The following SCARB1 variants were observed in gnomAD, a reference collection of about 807,000 sequenced individuals.
SCARB1 encodes scavenger receptor class B member 1.
SCARB1 carries 30 observed loss-of-function variants against 57.2 expected under a neutral mutation model. That is an observed-to-expected ratio of 0.52 (90% CI 0.39 to 0.71). The LOEUF is 0.71. SCARB1 is among the 30% of genes least tolerant of loss of function. SCARB1 has a pLI of 0.00. For missense variants in SCARB1, 543 were observed against 671.2 expected, an observed-to-expected ratio of 0.81 and a Z score of 2.11; for synonymous variants, 249 against 268.3, an observed-to-expected ratio of 0.93 and a Z score of 0.70.
At chr12:124,806,670 GGA>G (rs1327528609) in intron 7 of SCARB1, among the ~76,000 whole-genome samples, 1 of 152,122 alleles carries the variant, frequency 6.6e-6, no homozygotes, top group African/African-American at 2.4e-5. Flanking sequence ...AGAGGCAGGT[GGA>G]TCACTTGAGG....
intron 1 of SCARB1, among the ~76,000 whole-genome samples, chr12:124,845,559 G>T (rs1182752986): frequency 2.4e-5 from 3 of 124,934 alleles, no homozygotes; most frequent in African/African-American, 6.4e-5. Context: ...AAAAAAATTA[G>T]CCGGGCGTGG....
chr12:124,814,837 C>G lies in SCARB1; in HGVS notation c.426+136G>C. 3 of 1,150,376 alleles carry G rather than the reference C, an allele frequency of 2.6e-6. No individual in the cohort carries two copies. The South Asian group carries it at 4.0e-5, about 15-fold the overall frequency. 71.3% of individuals were successfully genotyped at this position (1,150,376 alleles called of 1,614,324 possible). A position where few individuals can be genotyped will look rare whatever the true frequency, so the allele number is the denominator to read the frequency against. ...GGGGGTGGTGGAGACAGCACAGGGC[C>G]GAAAGCCACCCACCAGGCGTGAGTC... On this transcript the variant is annotated intron_variant, in intron 3 of 12. Transcript: ENST00000261693. This position sits in a 1 kb window ranked among gnomAD's most constrained non-coding sequence, Gnocchi z 4.7.
intron 1 of SCARB1, among the ~76,000 whole-genome samples, chr12:124,858,892 AG>A (rs1470086044): frequency 6.6e-6 from 1 of 151,804 alleles, no homozygotes; most frequent in Non-Finnish European, 1.5e-5. Context: ...AAAAAAAAAA[AG>A]AGATGGGATT....
At chr12:124,831,760 C>T (rs1003693959) in intron 1 of SCARB1, among the ~76,000 whole-genome samples, 13 of 152,348 alleles carry the variant, frequency 8.5e-5, no homozygotes, top group African/African-American at 2.6e-4. Flanking sequence ...GAATAGGACC[C>T]ATGCAGCAGG....
chr12:124,824,739 G>A (rs1951071536), intron 1 of SCARB1, among the ~76,000 whole-genome samples: 1 of 152,152 alleles, frequency 6.6e-6, no homozygotes, highest in Non-Finnish European at 1.5e-5. Context: ...AAAGCCCCAT[G>A]GTCTGTGGGT....
intron 1 of SCARB1, among the ~76,000 whole-genome samples, chr12:124,838,222 G>A (rs984520507): frequency 4.6e-5 from 7 of 152,194 alleles, no homozygotes; most frequent in East Asian, 1.9e-4. Context: ...CCAGCTTCAC[G>A]GGTGAGGCCG....
rs528879078 is a variant in SCARB1 at position 124,810,066 on chromosome 12, G to A, written c.842+108C>T. Reference sequence around the variant, plus strand: ...TCAAGCTGGTGCCAAGGGCTACTGAGTCAAATCCACGATGAGTCAAAATGC... The same window carrying A: ...TCAAGCTGGTGCCAAGGGCTACTGAATCAAATCCACGATGAGTCAAAATGC... On this transcript the variant is annotated intron_variant, in intron 6 of 12. Coordinates refer to ENST00000261693, the MANE Select transcript of SCARB1 (RefSeq NM_005505.5). The surrounding 1 kb of genome is among the most constrained non-coding windows in gnomAD (Gnocchi z 4.0). The A allele has an allele frequency of 5.9e-5, 44 of 749,558 alleles. No homozygotes were observed. Among genetic ancestry groups the A allele is most frequent in the Non-Finnish European group, 1.0e-4 (43 of 426,156 alleles). 46.4% of individuals were successfully genotyped at this position (749,558 alleles called of 1,614,324 possible).
chr12:124,837,475 G>GGAAGGAAA (rs1240858331), intron 1 of SCARB1, among the ~76,000 whole-genome samples: 1 of 28,540 alleles, frequency 3.5e-5, no homozygotes, highest in East Asian at 8.0e-4. Flanking sequence ...AAGAAAGAAA[G>GGAAGGAAA]GAAGGAAGGA....
chr12:124,790,586 A>T (rs1446140277), intron 9 of SCARB1, among the ~76,000 whole-genome samples: 2 of 152,208 alleles, frequency 1.3e-5, no homozygotes, highest in Non-Finnish European at 2.9e-5. Context: ...GATAGTTTTT[A>T]AAAGTGAGCC....
At chr12:124,845,735 C>T in intron 1 of SCARB1, among the ~76,000 whole-genome samples, 1 of 147,382 alleles carries the variant, frequency 6.8e-6, no homozygotes, top group African/African-American at 2.5e-5. Context: ...GGGCCGGGCA[C>T]GGTGGCTCAG....
At chr12:124,793,456 G>A (rs1949803151) in intron 9 of SCARB1, among the ~76,000 whole-genome samples, 1 of 151,354 alleles carries the variant, frequency 6.6e-6, no homozygotes, top group African/African-American at 2.4e-5. Flanking sequence ...CACTTTGGGA[G>A]CCCGAGGCGG....
At chr12:124,833,316 CA>C (rs1951494891) in intron 1 of SCARB1, among the ~76,000 whole-genome samples, 1 of 151,870 alleles carries the variant, frequency 6.6e-6, no homozygotes, top group African/African-American at 2.4e-5. Flanking sequence ...CAGCCTCCCA[CA>C]TAACTGGGAC....
chr12:124,848,529 T>C (rs1018549535), intron 1 of SCARB1, among the ~76,000 whole-genome samples: 1 of 152,248 alleles, frequency 6.6e-6, no homozygotes, highest in African/African-American at 2.4e-5. Flanking sequence ...AAGGACGTCC[T>C]TGTCCTTAGG....
At chr12:124,782,295 C>A (rs1566126456) in intron 12 of SCARB1, among the ~76,000 whole-genome samples, 1 of 152,286 alleles carries the variant, frequency 6.6e-6, no homozygotes, top group South Asian at 2.1e-4. Context: ...ATTCCAGGGT[C>A]CCACCATGAT....
In SCARB1 at chr12:124,810,435, G is replaced by C. The variant is rs1343885672; in HGVS notation, c.727-146C>G. ...GCACGGTGGGAAGAGGGCAGGCTAT[G>C]TAGACACACAGAGAGAATGCCTACC... On this transcript the variant is annotated intron_variant, in intron 5 of 12. Coordinates refer to ENST00000261693, the MANE Select transcript of SCARB1 (RefSeq NM_005505.5). This position sits in a 1 kb window ranked among gnomAD's most constrained non-coding sequence, Gnocchi z 4.0. 4.5e-6 allele frequency: 3 copies of C among 671,892 alleles called. No homozygotes were observed. Among genetic ancestry groups the C allele is most frequent in the Non-Finnish European group, 8.2e-6 (3 of 367,852 alleles). The allele number at this position is 671,892 out of a possible 1,614,324, so 41.6% of individuals were successfully genotyped here.
Position 124,786,420 on chromosome 12 carries a change from G to A in SCARB1, c.1338C>T (p.Tyr446=), listed in dbSNP as rs528859014. The A allele has an allele frequency of 6.2e-6, 10 of 1,614,048 alleles. No homozygotes were observed. The highest frequency in any genetic ancestry group is 4.5e-5 in the East Asian group (2 of 44,902). The stretch of plus-strand genomic sequence containing the variant: ...GGACGCAGCCCAGCGCCAGGAGGAC[G>A]TACTGGGCATAGTGCATCACCTTGG... ...LMPKVMHYAQ[Y]VLLALGCVLL... The change falls in exon 11 of 13, where the codon TAC becomes TAT. Residue 446 remains tyrosine (Y), a synonymous_variant. Coordinates refer to ENST00000261693, the MANE Select transcript of SCARB1 (RefSeq NM_005505.5).
intron 1 of SCARB1, among the ~76,000 whole-genome samples, chr12:124,826,668 C>G (rs984248065): frequency 5.9e-5 from 9 of 151,888 alleles, no homozygotes; most frequent in African/African-American, 1.5e-4. Flanking sequence ...CTATGTTGCC[C>G]AGGCTGGTCT....
At chr12:124,823,681 T>C (rs1240937340) in intron 1 of SCARB1, among the ~76,000 whole-genome samples, 1 of 152,056 alleles carries the variant, frequency 6.6e-6, no homozygotes, top group African/African-American at 2.4e-5. Context: ...CGTACAAGAA[T>C]GTGCACAGCA....
intron 1 of SCARB1, among the ~76,000 whole-genome samples, chr12:124,823,774 G>A (rs1010088745): frequency 5.9e-5 from 9 of 152,262 alleles, no homozygotes; most frequent in East Asian, 1.9e-4. Flanking sequence ...TCCAGACAGC[G>A]GCATCTGACT....
Sources: allele counts gnomAD v4.1 joint callset (sites outside exome capture counted in the v4.1 genomes callset), GRCh38; gene constraint gnomAD v4.1.1; non-coding constraint Gnocchi (gnomAD v3.1); transcripts MANE v1.5; gene names NCBI Gene and HGNC (gene_info 2026-07-23, HGNC 2026-07-21).